The following CCNB1IP1 variants were observed in gnomAD, a reference collection of about 807,000 sequenced individuals.
CCNB1IP1 encodes the protein cyclin B1 interacting protein 1.
Under a neutral mutation model 25.6 loss-of-function variants are expected in CCNB1IP1, and 14 were observed. The ratio of observed to expected loss-of-function variants is 0.55; its 90% CI spans 0.36 to 0.85. CCNB1IP1 has a LOEUF of 0.85. Among genes scored for constraint, CCNB1IP1 ranks in the 40% least tolerant of loss-of-function variants. The pLI, the probability that CCNB1IP1 is intolerant of heterozygous loss-of-function variation, is 0.01. For missense variants in CCNB1IP1, 278 were observed against 342.4 expected, an observed-to-expected ratio of 0.81 and a Z score of 1.48; for synonymous variants, 119 against 116.1, an observed-to-expected ratio of 1.02 and a Z score of -0.16.
chr14:20,327,556 G>A (rs7140961), intron 2 of CCNB1IP1, among the ~76,000 whole-genome samples: 19,535 of 149,390 alleles, frequency 0.13, 1,477 homozygotes, highest in African/African-American at 0.21. Context: ...TAGATACGCA[G>A]TTCATCTTTG....
chr14:20,315,911 A>C, intron 5 of CCNB1IP1: 1 of 452,360 alleles, frequency 2.2e-6, no homozygotes, highest in Non-Finnish European at 4.0e-6. Context: ...GATATAATAT[A>C]CTGTCAACTC....
chr14:20,319,755 GAAT>G (rs1271830503), intron 4 of CCNB1IP1, among the ~76,000 whole-genome samples: 1 of 152,066 alleles, frequency 6.6e-6, no homozygotes, highest in African/African-American at 2.4e-5. Flanking sequence ...AATTCCTCTA[GAAT>G]ATAACACCCA....
chr14:20,323,917 C>CAAAA (rs59156707), intron 4 of CCNB1IP1, among the ~76,000 whole-genome samples: 39 of 73,594 alleles, frequency 5.3e-4, no homozygotes, highest in African/African-American at 8.0e-4. Flanking sequence ...GACTCCGTCT[C>CAAAA]AAAAAAAAAA....
intron 4 of CCNB1IP1, among the ~76,000 whole-genome samples, chr14:20,318,650 A>AGCT (rs1258371402): frequency 2.0e-5 from 3 of 152,198 alleles, no homozygotes; most frequent in Non-Finnish European, 4.4e-5. Context: ...TACCCATAGC[A>AGCT]GCTGCTTTAG....
intron 4 of CCNB1IP1, chr14:20,319,035 T>G (rs1168891218): frequency 6.6e-6 from 1 of 152,298 alleles, no homozygotes; most frequent in Non-Finnish European, 1.5e-5. Flanking sequence ...CGTGCCGGGA[T>G]TACAGGCGTG....
At chr14:20,319,344 A>G (rs1452359287) in intron 4 of CCNB1IP1, among the ~76,000 whole-genome samples, 1 of 152,188 alleles carries the variant, frequency 6.6e-6, no homozygotes, top group Non-Finnish European at 1.5e-5. Context: ...AACCAGTTCC[A>G]AAAAAAGGAG....
Position 20,316,357 on chromosome 14 carries a change from GA to G in CCNB1IP1, c.166del (p.Ser56LeufsTer4). ...TGTGCGGACAATATCTAGCTTTCCA[GA>G]AAGGGTACTGTTGCAGGCAGGACAG... ...AICPACNSTL[S>X]GKLDIVRTEL... On this transcript the variant is annotated frameshift_variant, in exon 5 of 7. Transcript: ENST00000358932. LOFTEE classifies it high-confidence loss of function. 2 of 1,613,974 alleles carry G rather than the reference GA, an allele frequency of 1.2e-6. No individual in the cohort carries two copies. The highest frequency in any genetic ancestry group is 1.7e-6 in the Non-Finnish European group (2 of 1,179,878).
At chr14:20,331,533 C>G (rs1248823979) in intron 1 of CCNB1IP1, among the ~76,000 whole-genome samples, 4 of 151,924 alleles carry the variant, frequency 2.6e-5, no homozygotes, top group African/African-American at 9.7e-5. Context: ...ATACCAAAAC[C>G]CAATTGAAAT....
chr14:20,329,413 G>A (rs545309799), intron 1 of CCNB1IP1, 40 bp from the exon 2 acceptor site: 2 of 152,210 alleles, frequency 1.3e-5, no homozygotes, highest in Non-Finnish European at 2.9e-5. Flanking sequence ...TTCATAGGAA[G>A]TAAATACTAG....
rs1383506234 is a variant in CCNB1IP1, at chr14:20,326,713, T to TA, written c.-153+2dup. 1.3e-5 allele frequency: 4 copies of TA among 309,170 alleles called. No individual in the cohort carries two copies. Among genetic ancestry groups the TA allele is most frequent in the African/African-American group, 8.7e-5 (4 of 45,802 alleles). 19.2% of individuals were successfully genotyped at this position (309,170 alleles called of 1,614,324 possible). A position where few individuals can be genotyped will look rare whatever the true frequency, so the allele number is the denominator to read the frequency against. ...AAAACGAAGATTTTGCTCTTACTCT[T>TA]ACCTCTGGCATCACATGAATCCAGC... On this transcript the variant is annotated splice_region_variant and intron_variant, in intron 3 of 6. Transcript: ENST00000358932.
intron 2 of CCNB1IP1, 93 bp downstream of exon 2, chr14:20,329,079 CTA>C (rs1462775484): frequency 6.6e-6 from 1 of 152,136 alleles, no homozygotes; most frequent in East Asian, 1.9e-4. Context: ...CCTTTTGACT[CTA>C]TTCCAATTTA....
At position 20,313,814 on chromosome 14, in the gene CCNB1IP1, G is replaced by GA; in HGVS notation, c.298-14dup. ...GTTCCTGATGTACCTGGTTCCAAAA[G>GA]AAAAAAGATTTTTAAGGTATTGGGT... On this transcript the variant is annotated splice_polypyrimidine_tract_variant and intron_variant, in intron 5 of 6. Transcript: ENST00000358932. 1 of 1,525,376 alleles carries GA rather than the reference G, an allele frequency of 6.6e-7. No individual in the cohort carries two copies. Among genetic ancestry groups the GA allele is most frequent in the Non-Finnish European group, 8.8e-7 (1 of 1,140,650 alleles). The allele number at this position is 1,525,376 out of a possible 1,614,324, so 94.5% of individuals were successfully genotyped here.
chr14:20,325,959 T>C (rs1883062620), intron 3 of CCNB1IP1, among the ~76,000 whole-genome samples: 1 of 152,304 alleles, frequency 6.6e-6, no homozygotes, highest in East Asian at 1.9e-4. Context: ...AGCAAACATA[T>C]GCATATAAAA....
intron 4 of CCNB1IP1, among the ~76,000 whole-genome samples, 179 bp from the exon 5 acceptor site, chr14:20,316,739 G>A (rs1014225956): frequency 2.0e-5 from 3 of 152,102 alleles, no homozygotes; most frequent in Non-Finnish European, 4.4e-5. Flanking sequence ...GTGCTCGTTT[G>A]TCCGGTTTTC....
intron 4 of CCNB1IP1, chr14:20,320,259 T>A (rs1385957442): frequency 2.2e-6 from 1 of 451,538 alleles, no homozygotes; most frequent in South Asian, 1.6e-5. Flanking sequence ...AATTCATTCT[T>A]CCCAACATAA....
At chr14:20,316,751 A>G (rs1566400405) in intron 4 of CCNB1IP1, among the ~76,000 whole-genome samples, 191 bp from the exon 5 acceptor site, 1 of 152,234 alleles carries the variant, frequency 6.6e-6, no homozygotes, top group South Asian at 2.1e-4. Context: ...CCGGTTTTCT[A>G]AAAACGCTTT....
At chr14:20,315,645 A>C in intron 5 of CCNB1IP1, 1 of 1,281,660 alleles carries the variant, frequency 7.8e-7, no homozygotes, top group Non-Finnish European at 1.0e-6. Context: ...TAAAGGGAAA[A>C]AGTTAAGGAT....
intron 4 of CCNB1IP1, chr14:20,320,236 T>C: frequency 2.3e-6 from 1 of 442,680 alleles, no homozygotes; most frequent in Non-Finnish European, 4.5e-6. Context: ...TTGCTTTTCA[T>C]ATATACAACT....
intron 5 of CCNB1IP1, 95 bp downstream of exon 5, chr14:20,316,132 A>T: frequency 8.9e-7 from 1 of 1,117,566 alleles, no homozygotes; most frequent in Admixed American, 2.6e-5. Flanking sequence ...ATATACTCAT[A>T]AAAAATTAAT....
Sources: gnomAD v4.1 joint callset for allele counts (sites outside exome capture counted in the v4.1 genomes callset) on GRCh38, gnomAD v4.1.1 for gene constraint, MANE v1.5 for transcripts, NCBI Gene and HGNC (gene_info 2026-07-23, HGNC 2026-07-21) for gene names.